ADGRL2: variants seen among roughly 807,000 people sequenced by gnomAD.
ADGRL2 encodes the protein adhesion G protein-coupled receptor L2.
ADGRL2 carries 44 observed loss-of-function variants against 157.4 expected under a neutral mutation model. That is an observed-to-expected ratio of 0.28 (90% CI 0.22 to 0.36). The LOEUF is 0.36. Ranked by LOEUF, ADGRL2 falls within the 10% of genes least tolerant of loss-of-function variation. The pLI, the probability that ADGRL2 is intolerant of heterozygous loss-of-function variation, is 1.00. For missense variants in ADGRL2, 1,510 were observed against 1,768.9 expected (o/e 0.85, Z 2.63); for synonymous variants, 585 against 624.7 (o/e 0.94, Z 0.95).
At chr1:81,350,252 G>A (rs567860664) in intron 1 of ADGRL2, among the ~76,000 whole-genome samples, 25 of 152,158 alleles carry the variant, frequency 1.6e-4, no homozygotes, top group Non-Finnish European at 3.1e-4. Flanking sequence ...ATCATAGGAT[G>A]CATTGTATTA....
At chr1:81,870,073 TAA>T (rs1248788674) in intron 2 of ADGRL2, among the ~76,000 whole-genome samples, 13 of 152,110 alleles carry the variant, frequency 8.5e-5, no homozygotes, top group Admixed American at 8.5e-4. Context: ...TTATTCGGGT[TAA>T]GTTTGTACAT....
chr1:81,534,138 T>TATTTC (rs1253994238), intron 2 of ADGRL2, among the ~76,000 whole-genome samples: 3 of 152,102 alleles, frequency 2.0e-5, no homozygotes. Context: ...TATTTTATTT[T>TATTTC]ATTTCATTTT....
chr1:81,399,501 TTGAG>T (rs1447749985), intron 1 of ADGRL2, among the ~76,000 whole-genome samples: 2 of 152,140 alleles, frequency 1.3e-5, no homozygotes, highest in African/African-American at 2.4e-5. Flanking sequence ...TTTTTTCTGA[TTGAG>T]TAATTTCAAA....
intron 3 of ADGRL2, among the ~76,000 whole-genome samples, chr1:81,615,859 G>GT (rs1428971089): frequency 6.6e-6 from 1 of 152,206 alleles, no homozygotes; most frequent in Non-Finnish European, 1.5e-5. Context: ...AGTGCTTACA[G>GT]TTTTTTATAC....
rs963052676 is a variant in ADGRL2 at position 81,691,114 on chromosome 1, G to A, written c.-142-70697G>A. 3.3e-5 allele frequency among the ~76,000 whole-genome samples: 5 copies of A among 152,204 alleles called. No homozygotes were observed. The East Asian group carries it at 9.6e-4, about 29-fold the overall frequency. On this transcript the variant is annotated intron_variant, in intron 3 of 24. Transcript: ENST00000370721. ...GAAAATCGTACAGTCCTGTCAACCAGCACAAGCACATGTGCAGAAAACTTG... is the reference window on the plus strand; with the variant it reads ...GAAAATCGTACAGTCCTGTCAACCAACACAAGCACATGTGCAGAAAACTTG...
intron 1 of ADGRL2, among the ~76,000 whole-genome samples, chr1:81,391,303 A>T (rs1306456959): frequency 2.8e-4 from 42 of 152,392 alleles, no homozygotes; most frequent in African/African-American, 1.0e-3. Context: ...GCTAACATCA[A>T]TTGCAACACC....
intron 1 of ADGRL2, among the ~76,000 whole-genome samples, chr1:81,811,014 A>G (rs1246247360): frequency 6.6e-6 from 1 of 151,840 alleles, no homozygotes; most frequent in East Asian, 1.9e-4. Context: ...TGCTTTTTCT[A>G]CTACAAGTGC....
At chr1:81,919,231 CATT>C (rs1250685859) in intron 3 of ADGRL2, among the ~76,000 whole-genome samples, 1 of 151,980 alleles carries the variant, frequency 6.6e-6, no homozygotes, top group Non-Finnish European at 1.5e-5. Context: ...TAAACTAAAA[CATT>C]TATTTATTTA....
chr1:81,840,778 G>A (rs1199850123), intron 2 of ADGRL2, among the ~76,000 whole-genome samples: 1 of 151,994 alleles, frequency 6.6e-6, no homozygotes, highest in African/African-American at 2.4e-5. Context: ...AAATAAAAAT[G>A]ATTTTATACA....
rs72715708 is a variant in ADGRL2 at position 81,711,424 on chromosome 1, G to C, written c.-143+11616G>C. ...TCTCATAAGTGCTTTTCCTCAAGACGGTCAGACTTCGGTAGTCTGTGAAAG... is the reference window on the plus strand; with the variant it reads ...TCTCATAAGTGCTTTTCCTCAAGACCGTCAGACTTCGGTAGTCTGTGAAAG... On this transcript the variant is annotated intron_variant, in intron 1 of 20. Transcript: ENST00000359929. 2.6e-5 allele frequency among the ~76,000 whole-genome samples: 4 copies of C among 152,116 alleles called. No homozygotes were observed. The East Asian group carries it at 5.8e-4, about 22-fold the overall frequency.
At chr1:81,940,433 G>C (rs1331506260) in intron 4 of ADGRL2, among the ~76,000 whole-genome samples, 1 of 151,564 alleles carries the variant, frequency 6.6e-6, no homozygotes, top group African/African-American at 2.4e-5. Flanking sequence ...TTTCAAGACA[G>C]TAATGTTGAA....
intron 2 of ADGRL2, among the ~76,000 whole-genome samples, chr1:81,561,565 A>G (rs2080443435): frequency 6.7e-6 from 1 of 148,550 alleles, no homozygotes; most frequent in African/African-American, 2.5e-5. Context: ...GGTTCAAGCG[A>G]TTCTCCCATC....
intron 2 of ADGRL2, among the ~76,000 whole-genome samples, chr1:81,886,422 G>A (rs778805080): frequency 5.9e-5 from 9 of 152,036 alleles, no homozygotes; most frequent in South Asian, 2.1e-4. Flanking sequence ...TGCCCGTCTC[G>A]GCTTCCCAAA....
chr1:81,313,457 G>A (rs1659887408), intron 1 of ADGRL2, among the ~76,000 whole-genome samples: 1 of 152,152 alleles, frequency 6.6e-6, no homozygotes, highest in Non-Finnish European at 1.5e-5. Context: ...GGACCAGCAC[G>A]TGTTAATTTC....
chr1:81,928,990 A>G (rs912224590), intron 3 of ADGRL2, among the ~76,000 whole-genome samples: 2 of 152,220 alleles, frequency 1.3e-5, no homozygotes, highest in Non-Finnish European at 2.9e-5. Context: ...TGATGAAGCA[A>G]TCTTCATCGA....
chr1:81,656,312 G>C (rs1028609997), intron 3 of ADGRL2, among the ~76,000 whole-genome samples: 7 of 152,140 alleles, frequency 4.6e-5, no homozygotes, highest in Admixed American at 6.5e-5. Flanking sequence ...ATGCCAAATG[G>C]AGACCTACCT....
intron 1 of ADGRL2, among the ~76,000 whole-genome samples, chr1:81,732,588 C>T (rs1406661224): frequency 6.6e-6 from 1 of 152,080 alleles, no homozygotes; most frequent in Non-Finnish European, 1.5e-5. Context: ...AATAAAACAA[C>T]AAACTGAAAT....
chr1:81,314,052 A>G (rs1353849383), intron 1 of ADGRL2, among the ~76,000 whole-genome samples: 1 of 152,228 alleles, frequency 6.6e-6, no homozygotes, highest in Non-Finnish European at 1.5e-5. Context: ...TAGGCAGTGC[A>G]AAATGCTGAT....
intron 1 of ADGRL2, among the ~76,000 whole-genome samples, chr1:81,444,305 C>CA (rs1481856667): frequency 6.6e-6 from 1 of 152,056 alleles, no homozygotes; most frequent in African/African-American, 2.4e-5. Context: ...GTAAAGCAAA[C>CA]AAAAAGTATA....
Sources: allele counts gnomAD v4.1 joint callset (sites outside exome capture counted in the v4.1 genomes callset), GRCh38; gene constraint gnomAD v4.1.1; transcripts MANE v1.5; gene names NCBI Gene and HGNC (gene_info 2026-07-23, HGNC 2026-07-21).